The following ELOVL6 variants were observed in gnomAD, a reference collection of about 807,000 sequenced individuals.
ELOVL6 encodes the protein ELOVL fatty acid elongase 6.
A neutral mutation model predicts 31.7 loss-of-function variants in ELOVL6; 8 were observed. The ratio of observed to expected loss-of-function variants is 0.25; its 90% CI spans 0.15 to 0.45. The LOEUF (loss-of-function observed/expected upper bound fraction) is 0.45. Among genes scored for constraint, ELOVL6 ranks in the 20% least tolerant of loss-of-function variants. The pLI is 1.00. For synonymous variants in ELOVL6, 101 were observed against 117.7 expected (o/e 0.86, Z 0.92); for missense variants, 126 against 326.4 (o/e 0.39, Z 4.73).
intron 1 of ELOVL6, among the ~76,000 whole-genome samples, chr4:110,170,823 G>A (rs916202241): frequency 9.9e-5 from 15 of 152,124 alleles, no homozygotes; most frequent in African/African-American, 3.1e-4. Flanking sequence ...TTCATCCACA[G>A]CTCCTGGCTC....
chr4:110,158,154 T>G (rs1041987726), intron 1 of ELOVL6, among the ~76,000 whole-genome samples: 1 of 152,194 alleles, frequency 6.6e-6, no homozygotes, highest in Non-Finnish European at 1.5e-5. Flanking sequence ...TAACATGTTA[T>G]TAACAAAAAT....
chr4:110,170,007 GT>G (rs1758897671), intron 1 of ELOVL6, among the ~76,000 whole-genome samples: 1 of 151,494 alleles, frequency 6.6e-6, no homozygotes, highest in African/African-American at 2.4e-5. Context: ...GGTTTACCAT[GT>G]TTTACCATGT....
intron 2 of ELOVL6, among the ~76,000 whole-genome samples, chr4:110,072,300 A>C (rs1755509465): frequency 6.6e-6 from 1 of 152,240 alleles, no homozygotes; most frequent in Non-Finnish European, 1.5e-5. Context: ...ACACGGCGAA[A>C]CGCTGTCTCT....
intron 2 of ELOVL6, among the ~76,000 whole-genome samples, chr4:110,084,403 T>TATATGAC (rs1182288873): frequency 5.0e-5 from 1 of 20,112 alleles, no homozygotes; most frequent in African/African-American, 1.2e-4. Flanking sequence ...TGATATATGA[T>TATATGAC]ATATGACATA....
Position 110,153,482 on chromosome 4 carries a change from CCA to C in ELOVL6, c.89+44763_89+44764del, listed in dbSNP as rs565163154. 6.0e-3 allele frequency among the ~76,000 whole-genome samples: 918 copies of C among 152,188 alleles called. 10 individuals carry two copies. Among genetic ancestry groups the C allele is most frequent in the African/African-American group, 0.021 (874 of 41,524 alleles). On this transcript the variant is annotated intron_variant, in intron 1 of 3. Transcript: ENST00000302274. ...ATTAATAGTGGAGGATTAAAAATTG[CCA>C]CAGTTACAGATGATGAGAAATGTAC...
rs775493725 is a variant in ELOVL6 at position 110,194,822 on chromosome 4, T to C, written c.89+3425A>G. ...CAGCATACTGGCAAAATACTACTCC[T>C]GGCCATTCTCACAGTTCTTCAAAAG... On this transcript the variant is annotated intron_variant, in intron 1 of 3. Transcript: ENST00000302274. Among the ~76,000 whole-genome samples the C allele has an allele frequency of 1.9e-4, 29 of 152,356 alleles. 1 individual carries two copies. The Middle Eastern group carries it at 0.01, about 54-fold the overall frequency.
chr4:110,053,780 A>T (rs1174423998), intron 3 of ELOVL6, among the ~76,000 whole-genome samples: 2 of 152,116 alleles, frequency 1.3e-5, no homozygotes, highest in African/African-American at 4.8e-5. Flanking sequence ...TCTACTATAA[A>T]ATTAAAAAAA....
intron 2 of ELOVL6, among the ~76,000 whole-genome samples, chr4:110,083,981 C>CATATGTTATATATGAT (rs1755991895): frequency 1.1e-4 from 1 of 8,734 alleles, no homozygotes; most frequent in African/African-American, 2.4e-4. Flanking sequence ...TAACATATGC[C>CATATGTTATATATGAT]ATATACGATA....
At chr4:110,185,482 T>G (rs1759410363) in intron 1 of ELOVL6, among the ~76,000 whole-genome samples, 1 of 151,884 alleles carries the variant, frequency 6.6e-6, no homozygotes, top group South Asian at 2.1e-4. Flanking sequence ...TTTTAGCAAG[T>G]TTTAATAAAT....
At chr4:110,190,157 G>A (rs1473482789) in intron 1 of ELOVL6, among the ~76,000 whole-genome samples, 1 of 151,988 alleles carries the variant, frequency 6.6e-6, no homozygotes, top group Non-Finnish European at 1.5e-5. Flanking sequence ...AACTATGAGT[G>A]ATTTTCTAGC....
intron 2 of ELOVL6, among the ~76,000 whole-genome samples, chr4:110,077,942 G>A (rs902235509): frequency 1.3e-5 from 2 of 152,200 alleles, no homozygotes; most frequent in South Asian, 2.1e-4. Flanking sequence ...CGTGATGAAT[G>A]CACAAGCCTC....
intron 1 of ELOVL6, among the ~76,000 whole-genome samples, chr4:110,165,927 G>C (rs80255596): frequency 3.3e-5 from 5 of 152,018 alleles, no homozygotes; most frequent in Non-Finnish European, 5.9e-5. Flanking sequence ...TCTTTTCCAC[G>C]TAAGAAAACC....
intron 1 of ELOVL6, among the ~76,000 whole-genome samples, chr4:110,138,869 A>G (rs572301571): frequency 6.6e-6 from 1 of 152,284 alleles, no homozygotes; most frequent in Non-Finnish European, 1.5e-5. Flanking sequence ...TAAAAATATC[A>G]TTACACCCAT....
chr4:110,058,290 G>A (rs921865119), intron 3 of ELOVL6, among the ~76,000 whole-genome samples: 2 of 136,708 alleles, frequency 1.5e-5, no homozygotes, highest in Admixed American at 7.4e-5. Context: ...GTCTGTTGGA[G>A]GGGGGGAGCG....
At chr4:110,172,218 A>C (rs976516938) in intron 1 of ELOVL6, among the ~76,000 whole-genome samples, 6 of 152,092 alleles carry the variant, frequency 3.9e-5, no homozygotes, top group Admixed American at 3.3e-4. Flanking sequence ...ATAGTGTCAA[A>C]ATTGAACTGG....
chr4:110,084,191 A>ATATGATATATATGATATAT (rs1454578180), intron 2 of ELOVL6, among the ~76,000 whole-genome samples: 1 of 87,236 alleles, frequency 1.1e-5, no homozygotes, highest in African/African-American at 4.9e-5. Context: ...TATAACATAT[A>ATATGATATATATGATATAT]ACTTATATGA....
intron 2 of ELOVL6, among the ~76,000 whole-genome samples, chr4:110,077,886 G>A (rs1488617467): frequency 6.6e-5 from 10 of 152,120 alleles, no homozygotes; most frequent in African/African-American, 2.4e-4. Context: ...ATGCAGAGAA[G>A]TCCTTAAAGG....
At chr4:110,068,319 G>A (rs1432990801) in intron 2 of ELOVL6, among the ~76,000 whole-genome samples, 1 of 152,184 alleles carries the variant, frequency 6.6e-6, no homozygotes. Context: ...AATGCTACAT[G>A]TTGCAGTGCG....
chr4:110,082,617 G>A (rs56081942), intron 2 of ELOVL6, among the ~76,000 whole-genome samples: 37,705 of 151,252 alleles, frequency 0.25, 4,944 homozygotes, highest in Non-Finnish European at 0.29. Context: ...GGGAGGAGGG[G>A]TAGCATTAGG....
Sources: gnomAD v4.1 joint callset for allele counts (sites outside exome capture counted in the v4.1 genomes callset) on GRCh38, gnomAD v4.1.1 for gene constraint, MANE v1.5 for transcripts, NCBI Gene and HGNC (gene_info 2026-07-23, HGNC 2026-07-21) for gene names.